ATG9B: variants seen among roughly 807,000 people sequenced by gnomAD.
The protein encoded by ATG9B is autophagy related 9B.
A neutral mutation model predicts 92.9 loss-of-function variants in ATG9B; 92 were observed. That is an observed-to-expected ratio of 0.99 (90% CI 0.84 to 1.18). The LOEUF is 1.18. Ranked by LOEUF, ATG9B falls within the 50% of genes most tolerant of loss-of-function variation. ATG9B has a pLI of 0.00. For missense variants in ATG9B, 1,344 were observed against 1,235.0 expected, an observed-to-expected ratio of 1.09 and a Z score of -1.32; for synonymous variants, 599 against 551.4, an observed-to-expected ratio of 1.09 and a Z score of -1.21.
At chr7:151,023,353 T>C in intron 3 of ATG9B, 92 bp downstream of exon 3, 1 of 1,596,474 alleles carries the variant, frequency 6.3e-7, no homozygotes, top group Admixed American at 1.7e-5. Flanking sequence ...AAGCATGGGA[T>C]GGAAGCAGCT....
chr7:151,013,717 C>G (rs757612691), downstream of ATG9B: 15 of 1,590,918 alleles, frequency 9.4e-6, no homozygotes, highest in South Asian at 1.7e-4. Context: ...ACCCCGCCGC[C>G]CCGCAGACCT....
rs759302035 is a variant in ATG9B at position 151,017,232 on chromosome 7, C to T, written c.2093G>A (p.Arg698His). 44 of 1,608,178 alleles carry T rather than the reference C, an allele frequency of 2.7e-5. 1 individual carries two copies. In the South Asian group the frequency reaches 3.9e-4, roughly 14 times the overall value. ...AGQTEASLSQ[R>H]AEDGKTELSL... ...AAGCTCAGTCTTGCCGTCCTCCGCA[C>T]GCTGAGACAGCGAGGCCTCAGTCTG... Residue 698 changes from arginine to histidine, a missense_variant, in exon 9 of 14, where the codon CGT (arginine) becomes CAT (histidine). Coordinates refer to ENST00000639579, the MANE Select transcript of ATG9B (RefSeq NM_001317056.2).
At chr7:151,023,664 T>C in intron 2 of ATG9B, 23 bp downstream of exon 2, 2 of 1,613,928 alleles carry the variant, frequency 1.2e-6, no homozygotes, top group Admixed American at 3.3e-5. Flanking sequence ...ATGCCACCTC[T>C]GCAGGCCTAG....
At position 151,016,885 on chromosome 7, in the gene ATG9B, G is replaced by T; in HGVS notation, c.2290-64C>A. The T allele has an allele frequency of 1.9e-6, 3 of 1,556,948 alleles. No individual in the cohort carries two copies. The South Asian group carries it at 3.7e-5, about 19-fold the overall frequency. ...AGAAGAGAGGACAGAAACGGAGTAG[G>T]GAGGAAGCAGAGGCCTAAAGAAGGC... On this transcript the variant is annotated intron_variant, in intron 9 of 13. Transcript: ENST00000639579.
chr7:151,019,323 G>A lies in ATG9B; in HGVS notation c.1015C>T (p.Leu339=). Residue 339 remains leucine, a synonymous_variant, in exon 6 of 14, where the codon CTG becomes TTG. Transcript: ENST00000639579. The stretch of plus-strand genomic sequence containing the variant: ...ACGCACAGGCCCCCGCTCCGCTGCA[G>A]TGCCAAGAGGCGGGACTGCACCTCT... ...WAEVQSRLLA[L]QRSGGLCVQP... The A allele has an allele frequency of 1.3e-6, 2 of 1,571,000 alleles. No homozygotes were observed. The highest frequency in any genetic ancestry group is 1.7e-6 in the Non-Finnish European group (2 of 1,166,040).
downstream of ATG9B, chr7:151,012,502 A>G (rs1795328320): frequency 3.7e-6 from 6 of 1,602,378 alleles, no homozygotes; most frequent in Non-Finnish European, 5.1e-6. Flanking sequence ...GACTGCCTGA[A>G]GGGAGTCACA....
chr7:151,023,577 C>T, intron 2 of ATG9B, 68 bp from the exon 3 acceptor site: 2 of 1,610,740 alleles, frequency 1.2e-6, no homozygotes, highest in Non-Finnish European at 1.7e-6. Flanking sequence ...CCCCTCAGCC[C>T]CAACAAGTCT....
chr7:151,012,319 A>G, downstream of ATG9B: 1 of 1,536,908 alleles, frequency 6.5e-7, no homozygotes. Flanking sequence ...AGGAAAGGCA[A>G]AGGGGACCTG....
rs528232621 is a variant in ATG9B, at chr7:151,018,006, C to T, written c.1917G>A (p.Leu639=). 27 of 1,602,710 alleles carry T rather than the reference C, an allele frequency of 1.7e-5. No individual in the cohort carries two copies. The highest frequency in any genetic ancestry group is 3.3e-4 in the Middle Eastern group (2 of 6,040). ...GAGGGCGGAACCAGAAAAGCAGAAA[C>T]AGCGGGGTGAGGAGCGGGGACAGGA... The part of the protein sequence containing the change: ...EELLSPLLTP[L]FLLFWFRPRA... Residue 639 remains leucine, a synonymous_variant, in exon 8 of 14, where the codon CTG becomes CTA. Transcript: ENST00000639579. The surrounding 1 kb of genome is among the most constrained non-coding windows in gnomAD (Gnocchi z 4.7).
At chr7:151,012,291 T>C (rs1232772467), downstream of ATG9B, 1 of 1,337,134 alleles carries the variant, frequency 7.5e-7, no homozygotes, top group Non-Finnish European at 1.0e-6. Context: ...CCACCCTGCA[T>C]GGTGAGAATG....
In ATG9B at chr7:151,015,170, C is replaced by G. The variant is rs1795428575; in HGVS notation, c.*558G>C. On this transcript the variant is annotated 3_prime_UTR_variant, in exon 14 of 14. Transcript: ENST00000639579. ...GAGATGTGCAACAGCCATGAGCAAG[C>G]TTTACTGCTTATTTCATACAGGATG... 6.6e-6 allele frequency: 1 copy of G among 152,220 alleles called. No individual in the cohort carries two copies. Among genetic ancestry groups the G allele is most frequent in the Non-Finnish European group, 1.5e-5 (1 of 68,056 alleles). The allele number at this position is 152,220 out of a possible 1,614,324, so 9.4% of individuals were successfully genotyped here. A position where few individuals can be genotyped will look rare whatever the true frequency, so the allele number is the denominator to read the frequency against.
At position 151,023,748 on chromosome 7, in the gene ATG9B, A is replaced by G; in HGVS notation, c.551-18T>C. ...CCAGGAGCCTGGGCACAGAGGGGAGAGTGTCAGCCCCTGGCATGTGATCAA... is the reference window on the plus strand; with the variant it reads ...CCAGGAGCCTGGGCACAGAGGGGAGGGTGTCAGCCCCTGGCATGTGATCAA... On this transcript the variant is annotated intron_variant, in intron 1 of 13. Transcript: ENST00000639579. 3 of 1,613,868 alleles carry G rather than the reference A, an allele frequency of 1.9e-6. No individual in the cohort carries two copies. The highest frequency in any genetic ancestry group is 2.5e-6 in the Non-Finnish European group (3 of 1,179,926).
At chr7:151,013,199 A>G (rs1584914638), downstream of ATG9B, 2 of 1,598,288 alleles carry the variant, frequency 1.3e-6, no homozygotes, top group South Asian at 1.1e-5. Context: ...TGCCCCGGAG[A>G]AGAGCCTTCC....
chr7:151,014,990 G>A (rs933163), downstream of ATG9B: 2 of 152,138 alleles, frequency 1.3e-5, no homozygotes, highest in Non-Finnish European at 1.5e-5. Flanking sequence ...TCATTCTTTT[G>A]ACAGAGTCCT....
chr7:151,016,814 G>A lies in ATG9B; in HGVS notation c.2297C>T (p.Ala766Val). Residue 766 changes from alanine (A) to valine (V), a missense_variant, in exon 10 of 14, where the codon GCC becomes GTC. By Grantham distance (64) the Ala-to-Val change is moderately conservative. Transcript: ENST00000639579. ...LSNCTSPLPE[A>V]FLANLFVHPL... ...GTGCACGAAGAGGTTGGCCAGGAAGGCCTCAGGCTGGGTGCAAGAGGAGAG... is the reference window on the plus strand; with the variant it reads ...GTGCACGAAGAGGTTGGCCAGGAAGACCTCAGGCTGGGTGCAAGAGGAGAG... 2 of 1,606,958 alleles carry A rather than the reference G, an allele frequency of 1.2e-6. No individual in the cohort carries two copies. The highest frequency in any genetic ancestry group is 1.7e-6 in the Non-Finnish European group (2 of 1,176,998).
rs1202726987 is a variant in ATG9B, at chr7:151,018,757, C to T, written c.1581G>A (p.Leu527=). Residue 527 remains leucine (L), a synonymous_variant, in exon 6 of 14, where the codon CTG becomes CTA. Coordinates refer to ENST00000639579, the MANE Select transcript of ATG9B (RefSeq NM_001317056.2). The surrounding 1 kb of genome is among the most constrained non-coding windows in gnomAD (Gnocchi z 4.7). ...AAPPAPLRTL[L]ARQLVFFAGA... The stretch of plus-strand genomic sequence containing the variant: ...CCGCGAAGAAAACGAGCTGGCGGGC[C>T]AGCAGCGTGCGCAGGGGCGCGGGGG... 18 of 1,533,106 alleles carry T rather than the reference C, an allele frequency of 1.2e-5. No individual in the cohort carries two copies. The highest frequency in any genetic ancestry group is 1.4e-5 in the Non-Finnish European group (16 of 1,145,614). The allele number at this position is 1,533,106 out of a possible 1,614,324, so 95.0% of individuals were successfully genotyped here.
chr7:151,012,638 C>A, downstream of ATG9B: 1 of 772,324 alleles, frequency 1.3e-6, no homozygotes, highest in Non-Finnish European at 2.0e-6. Context: ...AAGGCAAGGG[C>A]TGGGCCCTGA....
At position 151,023,203 on chromosome 7, in the gene ATG9B, T is replaced by C. The variant is rs772085996; in HGVS notation, c.663A>G (p.Gln221=). Residue 221 remains glutamine, a synonymous_variant, in exon 4 of 14, where the codon CAA becomes CAG. Coordinates refer to ENST00000639579, the MANE Select transcript of ATG9B (RefSeq NM_001317056.2). ...TTGTGAAGGTGACAATGAAAATAAA[T>C]TGTCTGCCGGGAGGAAGGGGGGGTG... is the stretch of plus-strand genomic sequence containing the variant. The part of the protein sequence containing the change: ...ILLEDVFQLG[Q]FIFIVTFTTF... 1.9e-6 allele frequency: 3 copies of C among 1,614,004 alleles called. No homozygotes were observed. In the Admixed American group the frequency reaches 5.0e-5, roughly 27 times the overall value.
downstream of ATG9B, chr7:151,012,314 A>G: frequency 6.5e-7 from 1 of 1,528,704 alleles, no homozygotes; most frequent in Non-Finnish European, 8.8e-7. Context: ...GGAGCAGGAA[A>G]GGCAAAGGGG....
Sources: gnomAD v4.1 joint callset for allele counts on GRCh38, gnomAD v4.1.1 for gene constraint, Gnocchi (gnomAD v3.1) non-coding constraint, MANE v1.5 for transcripts, NCBI Gene and HGNC (gene_info 2026-07-23, HGNC 2026-07-21) for gene names.